The following PLD1 variants were observed in gnomAD, a reference collection of about 807,000 sequenced individuals.
PLD1 encodes the protein phospholipase D1, also known as choline phosphatase 1.
PLD1 carries 112 observed loss-of-function variants against 137.1 expected under a neutral mutation model. The ratio of observed to expected loss-of-function variants is 0.82; its 90% CI spans 0.70 to 0.96. The LOEUF (loss-of-function observed/expected upper bound fraction) is 0.96, where lower values mean the gene tolerates loss of function less well. Among genes scored for constraint, PLD1 ranks in the 40% least tolerant of loss-of-function variants. The probability of loss-of-function intolerance (pLI) is 0.00; values close to 1 mark genes in which losing one functional copy is unlikely to be tolerated. For synonymous variants in PLD1, 431 were observed against 454.7 expected (o/e 0.95, Z 0.66); for missense variants, 1,321 against 1,342.0 (o/e 0.98, Z 0.24).
At position 171,734,942 on chromosome 3, in the gene PLD1, C is replaced by T. The variant is rs1483475023; in HGVS notation, c.463G>A (p.Glu155Lys). The part of the protein sequence containing the change: ...RHTFRRQNVR[E>K]EPREMPSLPR... ...AAACTGGGCATCTCTCGAGGCTCCT[C>T]TCTGACGTTTTGCCTCCTAAACGTG... Residue 155 changes from glutamate (E) to lysine (K), a missense_variant, in exon 5 of 27, where the codon GAG (glutamate) becomes AAG (lysine). Glu to Lys is a moderately conservative substitution (Grantham distance 56). Transcript: ENST00000351298. 6.2e-7 allele frequency: 1 copy of T among 1,613,058 alleles called. No individual in the cohort carries two copies. The highest frequency in any genetic ancestry group is 1.3e-5 in the African/African-American group (1 of 75,016).
chr3:171,714,821 T>C (rs1049814229), intron 8 of PLD1, among the ~76,000 whole-genome samples: 1 of 152,124 alleles, frequency 6.6e-6, no homozygotes, highest in African/African-American at 2.4e-5. Flanking sequence ...GGATAACTTA[T>C]AGCAAAGAAC....
intron 17 of PLD1, 44 bp from the exon 18 acceptor site, chr3:171,676,877 T>G: frequency 7.2e-7 from 1 of 1,380,758 alleles, no homozygotes; most frequent in Non-Finnish European, 1.0e-6. Flanking sequence ...AACTTCAGTG[T>G]TGGGGCAAAG....
chr3:171,621,064 T>C (rs1339680646), intron 23 of PLD1, among the ~76,000 whole-genome samples: 2 of 152,008 alleles, frequency 1.3e-5, no homozygotes, highest in African/African-American at 4.8e-5. Flanking sequence ...CTGCAGACTT[T>C]GGGTAAATAA....
At chr3:171,698,394 G>C (rs937769005) in intron 12 of PLD1, among the ~76,000 whole-genome samples, 1 of 152,168 alleles carries the variant, frequency 6.6e-6, no homozygotes, top group Admixed American at 6.5e-5. Flanking sequence ...GATGTTGTTT[G>C]GCAGAATGTG....
intron 1 of PLD1, among the ~76,000 whole-genome samples, chr3:171,808,366 C>A (rs11924635): frequency 0.34 from 52,040 of 151,908 alleles, 9,312 homozygotes; most frequent in Middle Eastern, 0.52. Flanking sequence ...GAAACCCCGT[C>A]TCTACTAAAA....
intron 24 of PLD1, among the ~76,000 whole-genome samples, chr3:171,615,981 C>T (rs2108281037): frequency 6.6e-6 from 1 of 152,320 alleles, no homozygotes; most frequent in South Asian, 2.1e-4. Flanking sequence ...GTCTGTATTG[C>T]TCCACAGCCA....
rs917851911 is a variant in PLD1 at position 171,783,069 on chromosome 3, T to C, written c.-32+27330A>G. Among the ~76,000 whole-genome samples the C allele has an allele frequency of 4.8e-4, 73 of 152,038 alleles. 1 individual carries two copies. The highest frequency in any genetic ancestry group is 4.8e-3 in the Admixed American group (73 of 15,266). On this transcript the variant is annotated intron_variant, in intron 1 of 26. Coordinates refer to ENST00000351298, the MANE Select transcript of PLD1 (RefSeq NM_002662.5). ...GAAACTGCTTCTAGTTTCCCAGTGA[T>C]ATAAGCAGTAAGATCCATGGCTGAA...
chr3:171,696,527 A>C (rs910015041), intron 12 of PLD1, among the ~76,000 whole-genome samples: 4 of 152,232 alleles, frequency 2.6e-5, no homozygotes, highest in Non-Finnish European at 4.4e-5. Context: ...ATATCTGCAC[A>C]ATCAGATAGA....
intron 23 of PLD1, among the ~76,000 whole-genome samples, chr3:171,639,820 TTCTCTCTCTCTCTC>T (rs778938858): frequency 8.5e-6 from 1 of 118,086 alleles, no homozygotes; most frequent in Non-Finnish European, 1.7e-5. Flanking sequence ...TTTACATAAT[TTCTCTCTCTCTCTC>T]TCTCTCTCTC....
Position 171,699,746 on chromosome 3 carries a change from G to T in PLD1, c.1226C>A (p.Ala409Glu). The T allele has an allele frequency of 6.2e-7, 1 of 1,608,280 alleles. No individual in the cohort carries two copies. Residue 409 changes from alanine (A) to glutamate (E), a missense_variant and splice_region_variant, in exon 12 of 27, where the codon GCA becomes GAA. Ala to Glu is a moderately radical substitution (Grantham distance 107). Coordinates refer to ENST00000351298, the MANE Select transcript of PLD1 (RefSeq NM_002662.5). ...WRLDCILKRK[A>E]QQGVRIFIML... Reference sequence around the variant, plus strand: ...AGCATTTTCTGGGAAAGTACATACTGCTTTTCGTTTAAGAATGCAGTCCAA... The same window carrying T: ...AGCATTTTCTGGGAAAGTACATACTTCTTTTCGTTTAAGAATGCAGTCCAA...
chr3:171,743,289 C>A (rs535710292), intron 1 of PLD1, among the ~76,000 whole-genome samples: 10 of 152,320 alleles, frequency 6.6e-5, no homozygotes, highest in African/African-American at 2.4e-4. Context: ...CTTTTCATCT[C>A]TTATTTAGCT....
intron 1 of PLD1, among the ~76,000 whole-genome samples, chr3:171,744,970 G>A (rs1720042225): frequency 6.6e-6 from 1 of 152,152 alleles, no homozygotes; most frequent in African/African-American, 2.4e-5. Flanking sequence ...CACACGTTTT[G>A]GGGCATTAAA....
chr3:171,677,552 A>G lies in PLD1; in HGVS notation c.1996+14T>C, dbSNP rs200966333. On this transcript the variant is annotated intron_variant, in intron 17 of 26. Coordinates refer to ENST00000351298, the MANE Select transcript of PLD1 (RefSeq NM_002662.5). ...GACAAAATATAACCAGCACCCCACC[A>G]TTATGATACTCACCAGCAAAAGGTT... 5,311 of 1,612,400 alleles carry G rather than the reference A, an allele frequency of 3.3e-3. 13 individuals are homozygous for G. The highest frequency in any genetic ancestry group is 4.0e-3 in the Non-Finnish European group (4,663 of 1,178,956).
Position 171,770,888 on chromosome 3 carries a change from C to CAAAAAAAAAAAAA in PLD1, c.-31-32819_-31-32807dup, listed in dbSNP as rs34683994. The stretch of plus-strand genomic sequence containing the variant: ...TTGGTGACAGAGCAAAACCCTATCT[C>CAAAAAAAAAAAAA]AAAAAAAAAAAAAAAAAAAAAAAGG... On this transcript the variant is annotated intron_variant, in intron 1 of 26. Transcript: ENST00000351298. 8.6e-4 allele frequency among the ~76,000 whole-genome samples: 35 copies of CAAAAAAAAAAAAA among 40,876 alleles called. 1 individual carries two copies. The highest frequency in any genetic ancestry group is 1.3e-3 in the Non-Finnish European group (25 of 19,404). The allele number at this position is 40,876 out of a possible 152,430, so 26.8% of individuals were successfully genotyped here.
At chr3:171,704,365 C>T (rs1395063297) in intron 11 of PLD1, among the ~76,000 whole-genome samples, 1 of 151,330 alleles carries the variant, frequency 6.6e-6, no homozygotes. Flanking sequence ...TACTAACATT[C>T]TCCACAGGAT....
chr3:171,645,816 G>A (rs564757571), intron 21 of PLD1, among the ~76,000 whole-genome samples: 155 of 150,934 alleles, frequency 1.0e-3, no homozygotes, highest in Non-Finnish European at 1.8e-3. Flanking sequence ...CCCGGGTGGC[G>A]GAGCTTGCAG....
chr3:171,615,390 T>C (rs995760270), intron 24 of PLD1, among the ~76,000 whole-genome samples: 35 of 152,216 alleles, frequency 2.3e-4, no homozygotes, highest in African/African-American at 7.7e-4. Flanking sequence ...TACAAAAGGC[T>C]ATATGAAAAT....
intron 21 of PLD1, among the ~76,000 whole-genome samples, chr3:171,646,330 AAAC>A (rs550643018): frequency 2.9e-4 from 44 of 152,226 alleles, no homozygotes; most frequent in Non-Finnish European, 5.6e-4. Flanking sequence ...ATTTTCTTCT[AAAC>A]AACTAAATTT....
intron 8 of PLD1, among the ~76,000 whole-genome samples, chr3:171,722,895 A>G (rs1348883883): frequency 6.6e-6 from 1 of 152,070 alleles, no homozygotes; most frequent in African/African-American, 2.4e-5. Context: ...GTAGGTTTAT[A>G]TATTTATGGG....
Sources: gnomAD v4.1 joint callset for allele counts (sites outside exome capture counted in the v4.1 genomes callset) on GRCh38, gnomAD v4.1.1 for gene constraint, MANE v1.5 for transcripts, NCBI Gene and HGNC (gene_info 2026-07-23, HGNC 2026-07-21) for gene names.